The following RNF38 variants were observed in gnomAD, a reference collection of about 807,000 sequenced individuals.
RNF38 encodes the protein E3 ubiquitin-protein ligase RNF38.
A neutral mutation model predicts 67.2 loss-of-function variants in RNF38; 15 were observed. The ratio of observed to expected loss-of-function variants is 0.22; its 90% confidence interval spans 0.15 to 0.34. The LOEUF (loss-of-function observed/expected upper bound fraction) is 0.34. Among genes scored for constraint, RNF38 ranks in the 10% least tolerant of loss-of-function variants. The probability of loss-of-function intolerance (pLI) is 1.00; values close to 1 mark genes in which losing one functional copy is unlikely to be tolerated. For synonymous variants in RNF38, 220 were observed against 218.8 expected (o/e 1.01, Z -0.05); for missense variants, 524 against 639.9 (o/e 0.82, Z 1.95).
chr9:36,440,612 A>C (rs189872534), intron 1 of RNF38, among the ~76,000 whole-genome samples: 1 of 152,200 alleles, frequency 6.6e-6, no homozygotes, highest in Non-Finnish European at 1.5e-5. Context: ...AAGTGGAAAA[A>C]AAAAGCAAGT....
intron 1 of RNF38, among the ~76,000 whole-genome samples, chr9:36,451,711 G>C (rs1372391263): frequency 6.6e-6 from 1 of 151,340 alleles, no homozygotes; most frequent in Non-Finnish European, 1.5e-5. Context: ...TGTTAGTCAG[G>C]CTGGTCTTCA....
chr9:36,441,306 C>G (rs528548821), intron 1 of RNF38, among the ~76,000 whole-genome samples: 1 of 151,570 alleles, frequency 6.6e-6, no homozygotes, highest in Non-Finnish European at 1.5e-5. Flanking sequence ...GGCTTTTCAT[C>G]TGTTCTGGGT....
rs540087845 is a variant in RNF38 at position 36,441,692 on chromosome 9, C to A, written n.242-17009G>T. 5.4e-5 allele frequency among the ~76,000 whole-genome samples: 8 copies of A among 148,960 alleles called. No homozygotes were observed. The East Asian group carries it at 1.6e-3, about 30-fold the overall frequency. On this transcript the variant is annotated intron_variant and non_coding_transcript_variant, in intron 1 of 3. Coordinates refer to the RNF38 transcript ENST00000488058. ...GGATTTCACCAAACACCACAAAGGT[C>A]TAAGATGCGTTCATATACATACTCC...
At chr9:36,389,268 G>C (rs1329951904) in intron 2 of RNF38, among the ~76,000 whole-genome samples, 2 of 151,644 alleles carry the variant, frequency 1.3e-5, no homozygotes, top group African/African-American at 4.9e-5. Context: ...TACTGCATTT[G>C]GCAGCTACTC....
At chr9:36,391,737 C>A (rs1837111764) in intron 1 of RNF38, among the ~76,000 whole-genome samples, 1 of 151,668 alleles carries the variant, frequency 6.6e-6, no homozygotes, top group Non-Finnish European at 1.5e-5. Context: ...CCTCAGCCTG[C>A]AGAGTAGCTG....
chr9:36,428,205 A>T (rs1353900021), intron 1 of RNF38, among the ~76,000 whole-genome samples: 1 of 151,978 alleles, frequency 6.6e-6, no homozygotes, highest in Non-Finnish European at 1.5e-5. Flanking sequence ...TCACAAGGTC[A>T]GGAGATGGAG....
chr9:36,477,968 G>C (rs2134440086), intron 1 of RNF38, among the ~76,000 whole-genome samples: 1 of 152,156 alleles, frequency 6.6e-6, no homozygotes, highest in Non-Finnish European at 1.5e-5. Context: ...CTGCACTCCA[G>C]AGTGGGCAAC....
At chr9:36,426,063 A>T (rs537457702) in intron 1 of RNF38, among the ~76,000 whole-genome samples, 1 of 152,316 alleles carries the variant, frequency 6.6e-6, no homozygotes, top group South Asian at 2.1e-4. Flanking sequence ...TGAAGACTGT[A>T]AGTGAGGATC....
chr9:36,476,519 C>CTTTT lies in RNF38; in HGVS notation n.241+10785_241+10788dup, dbSNP rs67780076. On this transcript the variant is annotated intron_variant and non_coding_transcript_variant, in intron 1 of 3. Transcript: ENST00000488058. ...TCTTTTTAATGGACTATCGGGCAAT[C>CTTTT]TTTTTTTTTTTTTTTTTTTTTGAGA... Among the ~76,000 whole-genome samples, 23 of 94,114 alleles carry CTTTT rather than the reference C, an allele frequency of 2.4e-4. 1 individual carries two copies. The highest frequency in any genetic ancestry group is 7.9e-4 in the African/African-American group (20 of 25,178). 61.7% of individuals were successfully genotyped at this position (94,114 alleles called of 152,430 possible).
intron 4 of RNF38, among the ~76,000 whole-genome samples, chr9:36,365,779 C>T (rs937776644): frequency 2.7e-5 from 4 of 146,374 alleles, no homozygotes; most frequent in Middle Eastern, 3.4e-3. Context: ...AATTCTCCTG[C>T]CTCAGCCTCT....
chr9:36,487,234 C>T, intron 1 of RNF38: 2 of 912,648 alleles, frequency 2.2e-6, no homozygotes, highest in Non-Finnish European at 2.6e-6. Flanking sequence ...GGCGCCTGGA[C>T]CACACGCCTC....
At chr9:36,383,791 CTT>C (rs1336786018) in intron 2 of RNF38, among the ~76,000 whole-genome samples, 1 of 151,396 alleles carries the variant, frequency 6.6e-6, no homozygotes, top group African/African-American at 2.4e-5. Flanking sequence ...AAATTTTGCT[CTT>C]TGATACGTGC....
At chr9:36,381,177 A>G (rs1836185141) in intron 2 of RNF38, among the ~76,000 whole-genome samples, 1 of 152,236 alleles carries the variant, frequency 6.6e-6, no homozygotes, top group Admixed American at 6.5e-5. Context: ...ACATAAAAAC[A>G]TAAAAACTCA....
At chr9:36,396,919 G>A (rs2480455) in intron 1 of RNF38, among the ~76,000 whole-genome samples, 98,491 of 151,290 alleles carry the variant, frequency 0.65, 32,081 homozygotes, top group South Asian at 0.67. Flanking sequence ...AGCTTCAACA[G>A]TTCTCATACA....
intron 2 of RNF38, among the ~76,000 whole-genome samples, chr9:36,387,582 A>C (rs1836743273): frequency 6.6e-6 from 1 of 152,240 alleles, no homozygotes; most frequent in Non-Finnish European, 1.5e-5. Flanking sequence ...TGGTGACTCC[A>C]CATCTGTATG....
chr9:36,353,926 A>G (rs1047090747), intron 6 of RNF38, among the ~76,000 whole-genome samples: 3 of 152,210 alleles, frequency 2.0e-5, no homozygotes, highest in Non-Finnish European at 4.4e-5. Flanking sequence ...GCCTACTTCA[A>G]AAGTGTGTAG....
chr9:36,409,281 A>G (rs777360655), intron 2 of RNF38, among the ~76,000 whole-genome samples: 1 of 151,734 alleles, frequency 6.6e-6, no homozygotes, highest in African/African-American at 2.4e-5. Flanking sequence ...AAGGAAAGAA[A>G]GAAAGAAAAG....
rs145767736 is a variant in RNF38 at position 36,341,986 on chromosome 9, AT to A, written c.1485+338del. 7.3e-3 allele frequency among the ~76,000 whole-genome samples: 1,106 copies of A among 152,212 alleles called. 16 individuals are homozygous for A. The highest frequency in any genetic ancestry group is 0.025 in the African/African-American group (1,038 of 41,488). On this transcript the variant is annotated intron_variant, in intron 11 of 11. Coordinates refer to ENST00000259605, the MANE Select transcript of RNF38 (RefSeq NM_022781.5). ...AGAATTAAATAAAAACACTAGATGT[AT>A]TTTTCTCCATGCTAACCTCTGAAAA...
intron 4 of RNF38, among the ~76,000 whole-genome samples, chr9:36,364,572 T>C (rs1834805613): frequency 6.6e-6 from 1 of 152,224 alleles, no homozygotes; most frequent in Non-Finnish European, 1.5e-5. Context: ...TCACAGAAAA[T>C]GTGTTGGCTT....
Sources: allele counts gnomAD v4.1 joint callset (sites outside exome capture counted in the v4.1 genomes callset), GRCh38; gene constraint gnomAD v4.1.1; transcripts MANE v1.5; gene names NCBI Gene and HGNC (gene_info 2026-07-23, HGNC 2026-07-21).